The following CCDC66 variants were observed in gnomAD, a reference collection of about 807,000 sequenced individuals.
CCDC66 encodes the protein coiled-coil domain-containing protein 66.
CCDC66 carries 133 observed loss-of-function variants against 128.3 expected under a neutral mutation model. The observed-to-expected ratio is 1.04, with a 90% CI of 0.90 to 1.20. The LOEUF (loss-of-function observed/expected upper bound fraction) is 1.20, where lower values mean the gene tolerates loss of function less well. Ranked by LOEUF, CCDC66 falls within the 50% of genes most tolerant of loss-of-function variation. CCDC66 has a pLI of 0.00. For synonymous variants in CCDC66, 387 were observed against 357.0 expected (o/e 1.08, Z -0.95); for missense variants, 1,126 against 1,075.5 (o/e 1.05, Z -0.66).
chr3:56,564,679 T>C (rs1370523940), intron 4 of CCDC66, among the ~76,000 whole-genome samples: 2 of 152,220 alleles, frequency 1.3e-5, no homozygotes, highest in Non-Finnish European at 1.5e-5. Flanking sequence ...CCTGGCATTG[T>C]ATTGTGTTTT....
intron 13 of CCDC66, chr3:56,616,554 A>G (rs58457441): frequency 0.049 from 7,639 of 157,270 alleles, 197 homozygotes; most frequent in East Asian, 0.09. Context: ...ATTTTTATTC[A>G]TGAGTTGATG....
intron 11 of CCDC66, among the ~76,000 whole-genome samples, chr3:56,614,113 G>T (rs1437971793): frequency 6.6e-6 from 1 of 152,110 alleles, no homozygotes; most frequent in Non-Finnish European, 1.5e-5. Flanking sequence ...ATAACCAGAA[G>T]TTGAACATTT....
At chr3:56,559,490 T>C in intron 2 of CCDC66, 79 bp from the exon 3 acceptor site, 1 of 899,110 alleles carries the variant, frequency 1.1e-6, no homozygotes, top group Non-Finnish European at 1.7e-6. Flanking sequence ...CTTATAACAA[T>C]ATTAATTACA....
intron 4 of CCDC66, among the ~76,000 whole-genome samples, chr3:56,564,875 T>C (rs1405809693): frequency 1.3e-5 from 2 of 152,354 alleles, no homozygotes; most frequent in East Asian, 1.9e-4. Flanking sequence ...GATGGAATTA[T>C]TTACTCTCTT....
chr3:56,605,754 AC>A (rs1378301071), intron 10 of CCDC66, among the ~76,000 whole-genome samples: 3 of 151,982 alleles, frequency 2.0e-5, no homozygotes, highest in Non-Finnish European at 2.9e-5. Context: ...GGTGTCAGGG[AC>A]CCACTTGAGG....
intron 7 of CCDC66, among the ~76,000 whole-genome samples, chr3:56,588,872 C>T (rs2106860074): frequency 6.6e-6 from 1 of 152,180 alleles, no homozygotes; most frequent in South Asian, 2.1e-4. Flanking sequence ...GTTTCCTGTG[C>T]TGAGAGGGAA....
intron 3 of CCDC66, chr3:56,561,118 T>C: frequency 4.6e-6 from 2 of 434,460 alleles, no homozygotes; most frequent in Non-Finnish European, 9.2e-6. Flanking sequence ...GACTACAGAT[T>C]GTATGTTATT....
intron 7 of CCDC66, among the ~76,000 whole-genome samples, chr3:56,585,183 T>G (rs1237169069): frequency 1.3e-5 from 2 of 151,666 alleles, no homozygotes; most frequent in African/African-American, 4.8e-5. Context: ...TAAGAAAATA[T>G]TCACTCAGTT....
Position 56,617,118 on chromosome 3 carries a change from T to G in CCDC66, c.1850T>G (p.Leu617Ter). ...KKDTGVQTDDLNIGIFTNAES... is the reference protein window; with the variant it reads ...KKDTGVQTDD ...ATTTGCAACTTTTTTTTAGATGACT[T>G]AAATATAGGAATATTCACCAATGCA... The change falls in exon 14 of 18, where the codon TTA (leucine) becomes TGA (stop). Residue 617 changes from leucine to a stop codon, truncating the protein, a stop_gained. Transcript: ENST00000394672. LOFTEE classifies it high-confidence loss of function. 6.6e-7 allele frequency: 1 copy of G among 1,514,246 alleles called. No individual in the cohort carries two copies. The highest frequency in any genetic ancestry group is 8.8e-7 in the Non-Finnish European group (1 of 1,129,948). 93.8% of individuals were successfully genotyped at this position (1,514,246 alleles called of 1,614,324 possible).
At chr3:56,571,014 TTC>T (rs2066540580) in intron 6 of CCDC66, among the ~76,000 whole-genome samples, 165 bp from the exon 7 acceptor site, 1 of 152,258 alleles carries the variant, frequency 6.6e-6, no homozygotes, top group South Asian at 2.1e-4. Flanking sequence ...TTTTTTCTTA[TTC>T]TGTGTCCCTA....
Position 56,621,514 on chromosome 3 carries a change from A to C in CCDC66, c.2761-18A>C, listed in dbSNP as rs1035283637. 6.5e-7 allele frequency: 1 copy of C among 1,534,656 alleles called. No individual in the cohort carries two copies. The highest frequency in any genetic ancestry group is 8.9e-7 in the Non-Finnish European group (1 of 1,125,370). Reference sequence around the variant, plus strand: ...GTGTGCACATTTTACTAACAAACATATATCAATGTGATTTCAGGGCCTTCT... The same window carrying C: ...GTGTGCACATTTTACTAACAAACATCTATCAATGTGATTTCAGGGCCTTCT... On this transcript the variant is annotated intron_variant, in intron 17 of 17. Transcript: ENST00000394672.
intron 4 of CCDC66, 108 bp downstream of exon 4, chr3:56,564,233 C>A: frequency 1.3e-6 from 1 of 755,280 alleles, no homozygotes; most frequent in Non-Finnish European, 2.1e-6. Flanking sequence ...TCTAATTTAA[C>A]CTGTCAATCT....
chr3:56,617,432 C>A lies in CCDC66; in HGVS notation c.2164C>A (p.Gln722Lys). 1 of 1,613,976 alleles carries A rather than the reference C, an allele frequency of 6.2e-7. No individual in the cohort carries two copies. The highest frequency in any genetic ancestry group is 8.5e-7 in the Non-Finnish European group (1 of 1,179,980). The change falls in exon 14 of 18, where the codon CAG (glutamine) becomes AAG (lysine). Residue 722 changes from glutamine (Q) to lysine (K), a missense_variant. Gln to Lys is a moderately conservative substitution (Grantham distance 53). Transcript: ENST00000394672. ...TCCAGCATCAGAAAAGTACCCTAAA[C>A]AGCTTCAAAAGCAGAGAGAAGAAAA... ...YIPASEKYPK[Q>K]LQKQREEKKV...
chr3:56,611,026 A>G (rs1226043044), intron 10 of CCDC66, among the ~76,000 whole-genome samples: 1 of 151,946 alleles, frequency 6.6e-6, no homozygotes, highest in African/African-American at 2.4e-5. Context: ...TTAATGCTCT[A>G]TTTTTGTGCT....
intron 7 of CCDC66, among the ~76,000 whole-genome samples, chr3:56,585,993 TAAAG>T (rs2069630270): frequency 6.6e-6 from 1 of 151,878 alleles, no homozygotes; most frequent in Non-Finnish European, 1.5e-5. Flanking sequence ...TATCTATATT[TAAAG>T]AAAGACTTTA....
intron 7 of CCDC66, among the ~76,000 whole-genome samples, chr3:56,583,812 G>A (rs575518266): frequency 1.2e-3 from 189 of 151,988 alleles, no homozygotes; most frequent in South Asian, 0.011. Context: ...GAGCTGTTGG[G>A]TACACCTCCC....
At chr3:56,587,576 G>A (rs993626219) in intron 7 of CCDC66, among the ~76,000 whole-genome samples, 4 of 152,122 alleles carry the variant, frequency 2.6e-5, no homozygotes, top group African/African-American at 7.2e-5. Context: ...ATTCCTTAAA[G>A]AACTAAAAGT....
At chr3:56,580,342 A>G in intron 7 of CCDC66, among the ~76,000 whole-genome samples, 1 of 150,644 alleles carries the variant, frequency 6.6e-6, no homozygotes, top group African/African-American at 2.4e-5. Context: ...CAGCACACTG[A>G]TGGGTCTTGA....
In CCDC66 at chr3:56,565,204, G is replaced by A. The variant is rs1188249934; in HGVS notation, c.544+1079G>A. 8.0e-6 allele frequency: 3 copies of A among 373,304 alleles called. No homozygotes were observed. The Admixed American group carries it at 8.9e-5, about 11-fold the overall frequency. 23.1% of individuals were successfully genotyped at this position (373,304 alleles called of 1,614,324 possible). A position where few individuals can be genotyped will look rare whatever the true frequency, so the allele number is the denominator to read the frequency against. Reference sequence around the variant, plus strand: ...AGCTAAATAAGAAAAATAACGTCAAGGTAATGAGTATTTATCAAGATATTT... The same window carrying A: ...AGCTAAATAAGAAAAATAACGTCAAAGTAATGAGTATTTATCAAGATATTT... On this transcript the variant is annotated intron_variant, in intron 4 of 17. Coordinates refer to ENST00000394672, the MANE Select transcript of CCDC66 (RefSeq NM_001141947.3).
Sources: allele counts gnomAD v4.1 joint callset (sites outside exome capture counted in the v4.1 genomes callset), GRCh38; gene constraint gnomAD v4.1.1; transcripts MANE v1.5; gene names NCBI Gene and HGNC (gene_info 2026-07-23, HGNC 2026-07-21).